Variants in STXBP5L observed in about 807,000 individuals in gnomAD.
STXBP5L encodes syntaxin-binding protein 5-like.
STXBP5L carries 65 observed loss-of-function variants against 144.5 expected under a neutral mutation model. That is an observed-to-expected ratio of 0.45 (90% CI 0.37 to 0.55). The LOEUF is 0.55. Ranked by LOEUF, STXBP5L falls within the 20% of genes least tolerant of loss-of-function variation. The pLI, the probability that STXBP5L is intolerant of heterozygous loss-of-function variation, is 0.00. For synonymous variants in STXBP5L, 505 were observed against 469.6 expected, an observed-to-expected ratio of 1.08 and a Z score of -0.97; for missense variants, 1,298 against 1,405.5, an observed-to-expected ratio of 0.92 and a Z score of 1.22.
intron 7 of STXBP5L, among the ~76,000 whole-genome samples, chr3:121,136,944 G>A (rs2045284083): frequency 6.6e-6 from 1 of 152,076 alleles, no homozygotes; most frequent in Admixed American, 6.6e-5. Context: ...AGAGGGAGCT[G>A]GAGGCCATTA....
chr3:121,037,113 G>A (rs934596188), intron 3 of STXBP5L, among the ~76,000 whole-genome samples: 1 of 151,704 alleles, frequency 6.6e-6, no homozygotes, highest in Non-Finnish European at 1.5e-5. Context: ...AATCTTATCT[G>A]TAGAGATGGG....
At chr3:121,348,160 A>T (rs1317289196) in intron 20 of STXBP5L, among the ~76,000 whole-genome samples, 1 of 152,024 alleles carries the variant, frequency 6.6e-6, no homozygotes, top group Non-Finnish European at 1.5e-5. Context: ...AGAGTTTTTA[A>T]CATGGTGTGT....
In STXBP5L at chr3:121,415,601, A is replaced by G. The variant is rs74646999; in HGVS notation, c.3115-256A>G. On this transcript the variant is annotated intron_variant, in intron 24 of 26. Transcript: ENST00000471454. ...TGGAAATTAATCCTAGGGTAGCTAT[A>G]TTAGCTTCCCATGCTTTGATGGAAG... is the stretch of plus-strand genomic sequence containing the variant. Among the ~76,000 whole-genome samples, 627 of 152,236 alleles carry G rather than the reference A, an allele frequency of 4.1e-3. 4 individuals carry two copies. Among genetic ancestry groups the G allele is most frequent in the Middle Eastern group, 0.014 (4 of 294 alleles).
chr3:121,328,865 C>A (rs2108553298), intron 20 of STXBP5L, among the ~76,000 whole-genome samples: 1 of 152,150 alleles, frequency 6.6e-6, no homozygotes, highest in South Asian at 2.1e-4. Context: ...TGCATCTAAC[C>A]TCTCCTAATA....
chr3:121,342,611 C>A (rs1041506922), intron 20 of STXBP5L, among the ~76,000 whole-genome samples: 1 of 149,918 alleles, frequency 6.7e-6, no homozygotes, highest in African/African-American at 2.5e-5. Flanking sequence ...GTTTTTTGTT[C>A]TTGTGATAGT....
intron 2 of STXBP5L, among the ~76,000 whole-genome samples, chr3:120,926,502 AG>A (rs1182451767): frequency 1.3e-5 from 2 of 151,588 alleles, no homozygotes; most frequent in African/African-American, 4.9e-5. Context: ...GACTATTGAG[AG>A]TTTGATTATG....
chr3:120,983,151 G>C (rs1941958260), intron 3 of STXBP5L, among the ~76,000 whole-genome samples: 2 of 152,148 alleles, frequency 1.3e-5, no homozygotes, highest in South Asian at 4.1e-4. Flanking sequence ...CTTCTTTCTG[G>C]CCTGAGGGTG....
chr3:121,381,497 A>T lies in STXBP5L; in HGVS notation c.2552A>T (p.Gln851Leu). ...ISLNLPLADE[Q>L]RFTEPVMVLP... ...TTAAACCTACCATTAGCAGATGAAC[A>T]AAGGTTTACAGAGCCAGTCATGGTA... is the stretch of plus-strand genomic sequence containing the variant. The change falls in exon 22 of 27, where the codon CAA becomes CTA. Residue 851 changes from glutamine (Q) to leucine (L), a missense_variant. Physicochemically the swap from Gln to Leu is moderately radical, Grantham distance 113 (BLOSUM62 -2). Coordinates refer to ENST00000471454, the MANE Select transcript of STXBP5L (RefSeq NM_001308330.2). The T allele has an allele frequency of 6.3e-7, 1 of 1,595,474 alleles. No individual in the cohort carries two copies. Among genetic ancestry groups the T allele is most frequent in the Non-Finnish European group, 8.5e-7 (1 of 1,174,968 alleles).
intron 23 of STXBP5L, among the ~76,000 whole-genome samples, chr3:121,408,203 G>T (rs944660549): frequency 6.6e-6 from 1 of 151,908 alleles, no homozygotes; most frequent in Non-Finnish European, 1.5e-5. Context: ...TTGGTCAAGA[G>T]ATTTCATTCT....
intron 2 of STXBP5L, chr3:120,925,026 T>A (rs1363929004): frequency 6.6e-6 from 1 of 152,248 alleles, no homozygotes; most frequent in African/African-American, 2.4e-5. Flanking sequence ...TTATTTTAAA[T>A]TGTTGTATTC....
intron 9 of STXBP5L, 175 bp downstream of exon 9, chr3:121,157,802 A>G (rs977395922): frequency 8.6e-6 from 7 of 818,164 alleles, no homozygotes; most frequent in African/African-American, 1.8e-5. Context: ...AACTTTCCAT[A>G]CTTCCCTTCT....
chr3:121,066,362 G>GTATATATATATA (rs35546907), intron 5 of STXBP5L, among the ~76,000 whole-genome samples: 5 of 146,174 alleles, frequency 3.4e-5, no homozygotes, highest in African/African-American at 1.0e-4. Flanking sequence ...TCCTATAAGC[G>GTATATATATATA]TATATATATA....
intron 3 of STXBP5L, among the ~76,000 whole-genome samples, chr3:121,025,263 A>T (rs1039636241): frequency 1.3e-5 from 2 of 152,090 alleles, no homozygotes; most frequent in Non-Finnish European, 2.9e-5. Context: ...GGACCTAGTG[A>T]AAAGGAGTTT....
At chr3:121,057,536 A>T (rs905851650) in intron 5 of STXBP5L, among the ~76,000 whole-genome samples, 3 of 151,950 alleles carry the variant, frequency 2.0e-5, no homozygotes, top group Non-Finnish European at 4.4e-5. Flanking sequence ...CTATAGATTA[A>T]TTTTGCCTGT....
intron 5 of STXBP5L, among the ~76,000 whole-genome samples, chr3:121,098,177 ATTGT>A (rs551136437): frequency 8.3e-4 from 126 of 152,168 alleles, no homozygotes; most frequent in South Asian, 2.9e-3. Flanking sequence ...ATTGGTGGAG[ATTGT>A]TTGATGACTG....
chr3:120,987,384 T>G (rs1387005624), intron 3 of STXBP5L, among the ~76,000 whole-genome samples: 2 of 152,000 alleles, frequency 1.3e-5, no homozygotes, highest in Non-Finnish European at 2.9e-5. Flanking sequence ...TGACATTGAA[T>G]AAACATGTTA....
intron 5 of STXBP5L, among the ~76,000 whole-genome samples, chr3:121,095,818 G>T (rs1421067234): frequency 6.6e-6 from 1 of 152,172 alleles, no homozygotes; most frequent in Non-Finnish European, 1.5e-5. Context: ...GCTTTGTTCT[G>T]TTGCTGGTGA....
chr3:121,352,133 G>A (rs1181045621), intron 20 of STXBP5L, among the ~76,000 whole-genome samples: 1 of 152,088 alleles, frequency 6.6e-6, no homozygotes, highest in African/African-American at 2.4e-5. Context: ...CTCCAGCTTT[G>A]TTCTTCTGGC....
intron 20 of STXBP5L, among the ~76,000 whole-genome samples, chr3:121,330,648 G>C (rs2044293944): frequency 6.6e-6 from 1 of 152,124 alleles, no homozygotes; most frequent in Admixed American, 6.5e-5. Context: ...CACCACAGCT[G>C]TTGCTCTTTG....
Sources: allele counts gnomAD v4.1 joint callset (sites outside exome capture counted in the v4.1 genomes callset), GRCh38; gene constraint gnomAD v4.1.1; transcripts MANE v1.5; gene names NCBI Gene and HGNC (gene_info 2026-07-23, HGNC 2026-07-21).